Variants in DNAJC6 observed in about 807,000 individuals in gnomAD.
DNAJC6 encodes the protein auxilin.
A neutral mutation model predicts 110.0 loss-of-function variants in DNAJC6; 34 were observed. That is an observed-to-expected ratio of 0.31 (90% confidence interval 0.24 to 0.41). The LOEUF (loss-of-function observed/expected upper bound fraction) is 0.41. Among genes scored for constraint, DNAJC6 ranks in the 10% least tolerant of loss-of-function variants. DNAJC6 has a pLI of 1.00. For synonymous variants in DNAJC6, 406 were observed against 437.2 expected (o/e 0.93, Z 0.89); for missense variants, 1,031 against 1,207.8 (o/e 0.85, Z 2.17).
chr1:65,398,493 A>T (rs1241978077), intron 13 of DNAJC6, among the ~76,000 whole-genome samples: 1 of 152,234 alleles, frequency 6.6e-6, no homozygotes, highest in Non-Finnish European at 1.5e-5. Context: ...CGAGGGACTG[A>T]CAATTGAATG....
chr1:65,268,632 A>G (rs1231685733), intron 1 of DNAJC6, among the ~76,000 whole-genome samples: 1 of 152,190 alleles, frequency 6.6e-6, no homozygotes, highest in Non-Finnish European at 1.5e-5. Flanking sequence ...TTTATCTCCA[A>G]AACCATTCAC....
At chr1:65,278,737 A>G (rs142852948) in intron 1 of DNAJC6, among the ~76,000 whole-genome samples, 313 of 152,338 alleles carry the variant, frequency 2.1e-3, no homozygotes, top group Admixed American at 3.2e-3. Flanking sequence ...GTTATGGACG[A>G]GGGAATTGAA....
Position 65,415,839 on chromosome 1 carries a change from A to C in DNAJC6, c.*2814A>C, listed in dbSNP as rs1646166385. 6.6e-6 allele frequency: 1 copy of C among 152,222 alleles called. No homozygotes were observed. Among genetic ancestry groups the C allele is most frequent in the African/African-American group, 2.4e-5 (1 of 41,456 alleles). The allele number at this position is 152,222 out of a possible 1,614,324, so 9.4% of individuals were successfully genotyped here. A position where few individuals can be genotyped will look rare whatever the true frequency, so the allele number is the denominator to read the frequency against. On this transcript the variant is annotated 3_prime_UTR_variant, in exon 19 of 19. Transcript: ENST00000371069. ...CAATTGCTTTTTGGCCTTTTGGCTAAAATAAATGTAGCATCTAATTTTATC... is the reference window on the plus strand; with the variant it reads ...CAATTGCTTTTTGGCCTTTTGGCTACAATAAATGTAGCATCTAATTTTATC...
At chr1:65,375,232 T>C (rs1453083933) in intron 4 of DNAJC6, among the ~76,000 whole-genome samples, 1 of 152,156 alleles carries the variant, frequency 6.6e-6, no homozygotes, top group East Asian at 1.9e-4. Context: ...CCCAAAGTGC[T>C]GGGATTATAG....
chr1:65,373,747 T>G (rs1645731665), intron 4 of DNAJC6, among the ~76,000 whole-genome samples: 1 of 152,120 alleles, frequency 6.6e-6, no homozygotes, highest in African/African-American at 2.4e-5. Context: ...CTTCACTTCG[T>G]TGATTGTTTG....
intron 1 of DNAJC6, among the ~76,000 whole-genome samples, chr1:65,363,716 C>G (rs538203970): frequency 6.6e-6 from 1 of 152,218 alleles, no homozygotes; most frequent in East Asian, 1.9e-4. Context: ...CAACACCTTG[C>G]AGTGCACAGG....
chr1:65,305,922 A>G (rs541500121), upstream of DNAJC6, among the ~76,000 whole-genome samples: 4 of 152,294 alleles, frequency 2.6e-5, 1 homozygote, highest in African/African-American at 9.6e-5. Flanking sequence ...ATATGTTAGG[A>G]ACTAATTTAC....
chr1:65,397,056 A>G (rs1361946992), intron 13 of DNAJC6, among the ~76,000 whole-genome samples: 1 of 152,200 alleles, frequency 6.6e-6, no homozygotes, highest in African/African-American at 2.4e-5. Context: ...TGAGCTGATT[A>G]GAACATGGTG....
chr1:65,296,610 C>T (rs375346467), intron 1 of DNAJC6, among the ~76,000 whole-genome samples: 51 of 118,544 alleles, frequency 4.3e-4, no homozygotes, highest in African/African-American at 1.5e-3. Flanking sequence ...TTTTTTGAGA[C>T]GGAGTCTAGC....
rs549037127 is a variant in DNAJC6, at chr1:65,318,738, G to T, written c.193+8800G>T. Among the ~76,000 whole-genome samples, 4 of 152,300 alleles carry T rather than the reference G, an allele frequency of 2.6e-5. No individual in the cohort carries two copies. In the East Asian group the frequency reaches 7.7e-4, roughly 29 times the overall value. Reference sequence around the variant, plus strand: ...GGCGGGGGAAGGAGAGCATCAGGAAGAATAGCTAATGGATGCTGGGCTGAA... The same window carrying T: ...GGCGGGGGAAGGAGAGCATCAGGAATAATAGCTAATGGATGCTGGGCTGAA... On this transcript the variant is annotated intron_variant, in intron 1 of 18. Coordinates refer to ENST00000371069, the MANE Select transcript of DNAJC6 (RefSeq NM_001256864.2).
chr1:65,297,021 T>C (rs887853724), intron 1 of DNAJC6, among the ~76,000 whole-genome samples: 1 of 152,182 alleles, frequency 6.6e-6, no homozygotes, highest in Non-Finnish European at 1.5e-5. Context: ...CAGTGTAGCA[T>C]GTTGTAAGTG....
rs546775009 is a variant in DNAJC6, at chr1:65,338,946, G to C, written c.194-25689G>C. The stretch of plus-strand genomic sequence containing the variant: ...ATCTTTGCAAACTCCAGCTTTCTTT[G>C]CTCTCAGGTGCTCTCCTCTGTGCTC... On this transcript the variant is annotated intron_variant, in intron 1 of 18. Coordinates refer to ENST00000371069, the MANE Select transcript of DNAJC6 (RefSeq NM_001256864.2). Among the ~76,000 whole-genome samples the C allele has an allele frequency of 2.6e-5, 4 of 152,276 alleles. No individual in the cohort carries two copies. In the South Asian group the frequency reaches 8.3e-4, roughly 32 times the overall value.
intron 1 of DNAJC6, chr1:65,299,019 T>A (rs1644952991): frequency 6.6e-6 from 1 of 152,228 alleles, no homozygotes. Flanking sequence ...AACACTAATG[T>A]CTTTCCCGGA....
intron 11 of DNAJC6, 142 bp from the exon 12 acceptor site, chr1:65,392,289 T>TA: frequency 2.8e-6 from 2 of 720,220 alleles, no homozygotes; most frequent in Non-Finnish European, 4.4e-6. Flanking sequence ...ACATCAAGTG[T>TA]TCCACTGATT....
At chr1:65,367,768 C>T (rs1645662791) in intron 4 of DNAJC6, among the ~76,000 whole-genome samples, 1 of 151,846 alleles carries the variant, frequency 6.6e-6, no homozygotes. Context: ...ATCAGTGTAA[C>T]TAAAGATTTT....
intron 13 of DNAJC6, among the ~76,000 whole-genome samples, chr1:65,397,528 A>C (rs1645991035): frequency 6.6e-6 from 1 of 151,406 alleles, no homozygotes; most frequent in Non-Finnish European, 1.5e-5. Flanking sequence ...TTTCTTGAGG[A>C]TAGATAATGC....
At chr1:65,321,438 C>G (rs1479139562) in intron 1 of DNAJC6, among the ~76,000 whole-genome samples, 1 of 137,496 alleles carries the variant, frequency 7.3e-6, no homozygotes, top group Non-Finnish European at 1.6e-5. Context: ...TCAAGGAATC[C>G]TCCTGCCTTT....
chr1:65,403,355 T>TA (rs1646046797), intron 15 of DNAJC6, among the ~76,000 whole-genome samples: 1 of 152,204 alleles, frequency 6.6e-6, no homozygotes, highest in Admixed American at 6.5e-5. Flanking sequence ...GAGCTTGCAC[T>TA]CATAAAAGGT....
chr1:65,349,707 C>CT (rs1223948173), intron 1 of DNAJC6, among the ~76,000 whole-genome samples: 6 of 149,336 alleles, frequency 4.0e-5, no homozygotes, highest in Non-Finnish European at 7.4e-5. Flanking sequence ...TGTAATGTAT[C>CT]TTTTTCTCTA....
Sources: gnomAD v4.1 joint callset for allele counts (sites outside exome capture counted in the v4.1 genomes callset) on GRCh38, gnomAD v4.1.1 for gene constraint, MANE v1.5 for transcripts, NCBI Gene and HGNC (gene_info 2026-07-23, HGNC 2026-07-21) for gene names.